The following PCDH15 variants were observed in gnomAD, a reference collection of about 807,000 sequenced individuals.
PCDH15 encodes protocadherin-15.
In PCDH15, 129 loss-of-function variants were observed where a neutral mutation model predicts 178.5. The ratio of observed to expected loss-of-function variants is 0.72; its 90% CI spans 0.63 to 0.84. PCDH15 has a LOEUF of 0.84. PCDH15 is among the 40% of genes least tolerant of loss of function. The probability of loss-of-function intolerance (pLI) is 0.00; values close to 1 mark genes in which losing one functional copy is unlikely to be tolerated. For synonymous variants in PCDH15, 800 were observed against 732.0 expected, an observed-to-expected ratio of 1.09 and a Z score of -1.50; for missense variants, 2,230 against 2,099.9, an observed-to-expected ratio of 1.06 and a Z score of -1.21.
intron 2 of PCDH15, among the ~76,000 whole-genome samples, chr10:55,000,430 GCTGTTAT>G (rs1353945636): frequency 6.6e-6 from 1 of 152,152 alleles, no homozygotes; most frequent in East Asian, 1.9e-4. Flanking sequence ...CCTGAACATT[GCTGTTAT>G]CTTGTTCTTT....
chr10:53,970,967 C>T (rs573127371), intron 21 of PCDH15, among the ~76,000 whole-genome samples: 3 of 152,220 alleles, frequency 2.0e-5, no homozygotes, highest in Non-Finnish European at 4.4e-5. Context: ...GATACTAAAG[C>T]TGGCAGAGAC....
intron 6 of PCDH15, among the ~76,000 whole-genome samples, chr10:54,336,441 A>AC (rs1941151395): frequency 1.3e-5 from 2 of 151,848 alleles, no homozygotes; most frequent in Admixed American, 6.6e-5. Flanking sequence ...CAGGTCCTGG[A>AC]CCCCCCTTTC....
At chr10:55,215,693 G>A (rs1463231713) in intron 1 of PCDH15, among the ~76,000 whole-genome samples, 3 of 151,922 alleles carry the variant, frequency 2.0e-5, no homozygotes, top group African/African-American at 7.3e-5. Context: ...GGCTTCCATG[G>A]CAGGATAATT....
intron 7 of PCDH15, among the ~76,000 whole-genome samples, chr10:54,321,480 T>C (rs993561524): frequency 2.6e-5 from 4 of 151,770 alleles, no homozygotes; most frequent in African/African-American, 9.7e-5. Flanking sequence ...CACACATATA[T>C]ATGCATATAT....
intron 1 of PCDH15, among the ~76,000 whole-genome samples, chr10:55,224,864 T>G (rs1341897900): frequency 6.6e-6 from 1 of 152,100 alleles, no homozygotes; most frequent in Admixed American, 6.5e-5. Context: ...AGCTTTTTGT[T>G]GTTTACCCTG....
intron 8 of PCDH15, among the ~76,000 whole-genome samples, chr10:54,241,387 G>T (rs989938177): frequency 6.6e-6 from 1 of 152,186 alleles, no homozygotes; most frequent in Admixed American, 6.5e-5. Context: ...GTATCAAAAT[G>T]TTCCTCTATT....
chr10:54,664,854 A>C (rs1474131170), intron 1 of PCDH15, among the ~76,000 whole-genome samples: 1 of 151,548 alleles, frequency 6.6e-6, no homozygotes, highest in Non-Finnish European at 1.5e-5. Context: ...TTTATGAAGC[A>C]TTTGGATGCA....
intron 3 of PCDH15, among the ~76,000 whole-genome samples, chr10:54,827,137 T>G (rs1953145289): frequency 6.6e-6 from 1 of 152,078 alleles, no homozygotes; most frequent in Non-Finnish European, 1.5e-5. Context: ...AGATAGCCAG[T>G]TCACCTCTGG....
chr10:54,531,451 G>T (rs2083916738), intron 2 of PCDH15, among the ~76,000 whole-genome samples: 1 of 152,120 alleles, frequency 6.6e-6, no homozygotes, highest in East Asian at 1.9e-4. Flanking sequence ...AATAATGACT[G>T]ATCTCACAGA....
rs184632501 is a variant in PCDH15 at position 54,726,717 on chromosome 10, C to G, written c.-28-62427G>C. ...TCATTTATAAAAGGAACAAACTGAT[C>G]TGATGAAGCTAAAAAGCTGACTACA... On this transcript the variant is annotated intron_variant, in intron 1 of 37. Transcript: ENST00000644397. 4.6e-5 allele frequency among the ~76,000 whole-genome samples: 7 copies of G among 151,382 alleles called. No homozygotes were observed. In the East Asian group the frequency reaches 1.4e-3, roughly 30 times the overall value.
chr10:53,914,828 C>T (rs1472794626), intron 25 of PCDH15, among the ~76,000 whole-genome samples: 1 of 152,088 alleles, frequency 6.6e-6, no homozygotes, highest in African/African-American at 2.4e-5. Context: ...CAACAGATTT[C>T]TCTAAAAAGT....
intron 2 of PCDH15, among the ~76,000 whole-genome samples, chr10:55,588,200 C>A (rs971490032): frequency 2.0e-5 from 3 of 152,074 alleles, no homozygotes; most frequent in African/African-American, 7.2e-5. Context: ...CCTTTTTTGC[C>A]TATCTGGTAG....
intron 25 of PCDH15, among the ~76,000 whole-genome samples, chr10:53,907,496 A>G (rs2082758814): frequency 6.6e-6 from 1 of 152,178 alleles, no homozygotes; most frequent in Non-Finnish European, 1.5e-5. Flanking sequence ...GAAATTACAA[A>G]GTAGGCAAAA....
At chr10:54,873,946 C>CT (rs970928273) in intron 3 of PCDH15, among the ~76,000 whole-genome samples, 2 of 149,338 alleles carry the variant, frequency 1.3e-5, no homozygotes, top group African/African-American at 2.4e-5. Context: ...TTTCAGTTTT[C>CT]TTTTTTTTCT....
At chr10:55,563,149 T>C (rs1329739765) in intron 2 of PCDH15, among the ~76,000 whole-genome samples, 1 of 151,868 alleles carries the variant, frequency 6.6e-6, no homozygotes, top group Non-Finnish European at 1.5e-5. Flanking sequence ...TCATGGTTGA[T>C]TGCTGCTTCT....
chr10:55,467,542 T>C (rs1019553771), intron 2 of PCDH15, among the ~76,000 whole-genome samples: 4 of 152,180 alleles, frequency 2.6e-5, no homozygotes, highest in African/African-American at 9.7e-5. Context: ...AGCCATATTT[T>C]ATCACTGTTA....
intron 18 of PCDH15, among the ~76,000 whole-genome samples, chr10:54,031,961 C>T (rs1313807750): frequency 1.3e-5 from 2 of 152,094 alleles, no homozygotes; most frequent in East Asian, 3.9e-4. Context: ...ATTTCCCCAC[C>T]ATTGCTTAGT....
At chr10:54,318,538 T>G (rs1473217149) in intron 7 of PCDH15, among the ~76,000 whole-genome samples, 1 of 152,182 alleles carries the variant, frequency 6.6e-6, no homozygotes, top group Non-Finnish European at 1.5e-5. Flanking sequence ...TTCTTTAGAT[T>G]TCCTTAGTTT....
intron 1 of PCDH15, among the ~76,000 whole-genome samples, chr10:55,202,167 A>G (rs1020906010): frequency 1.8e-4 from 28 of 152,218 alleles, no homozygotes; most frequent in African/African-American, 6.5e-4. Context: ...TCTGAAAGCC[A>G]TGATTACCAG....
Sources: gnomAD v4.1 joint callset for allele counts (sites outside exome capture counted in the v4.1 genomes callset) on GRCh38, gnomAD v4.1.1 for gene constraint, MANE v1.5 for transcripts, NCBI Gene and HGNC (gene_info 2026-07-23, HGNC 2026-07-21) for gene names.